The following ENPP3 variants were observed in gnomAD, a reference collection of about 807,000 sequenced individuals.
The protein encoded by ENPP3 is ectonucleotide pyrophosphatase/phosphodiesterase 3.
ENPP3 carries 104 observed loss-of-function variants against 117.8 expected under a neutral mutation model. The ratio of observed to expected loss-of-function variants is 0.88; its 90% CI spans 0.75 to 1.04. ENPP3 has a LOEUF of 1.04. ENPP3 is among the 50% of genes least tolerant of loss of function. ENPP3 has a pLI of 0.00. For synonymous variants in ENPP3, 380 were observed against 349.9 expected (o/e 1.09, Z -0.96); for missense variants, 1,026 against 1,051.9 (o/e 0.98, Z 0.34).
At chr6:131,667,383 T>C (rs1176510915) in intron 6 of ENPP3, among the ~76,000 whole-genome samples, 1 of 152,108 alleles carries the variant, frequency 6.6e-6, no homozygotes, top group Admixed American at 6.5e-5. Context: ...AGCTGGGAGT[T>C]GGGGTTATTG....
At chr6:131,684,180 T>C (rs1320887327) in intron 12 of ENPP3, among the ~76,000 whole-genome samples, 1 of 152,148 alleles carries the variant, frequency 6.6e-6, no homozygotes, top group Admixed American at 6.5e-5. Context: ...CCAATATCTG[T>C]GAAGAGACCA....
chr6:131,738,267 G>A (rs1780444984), intron 23 of ENPP3, 104 bp downstream of exon 23: 2 of 891,076 alleles, frequency 2.2e-6, no homozygotes, highest in African/African-American at 3.5e-5. Context: ...TACATTCACA[G>A]ACAAATGTTA....
chr6:131,693,079 GTTATATA>G (rs909743329), intron 14 of ENPP3, among the ~76,000 whole-genome samples: 110 of 141,692 alleles, frequency 7.8e-4, no homozygotes, highest in African/African-American at 2.5e-3. Flanking sequence ...ATTATATATG[GTTATATA>G]TTATATATTA....
rs947287283 is a variant in ENPP3 at position 131,641,444 on chromosome 6, T to G, written c.79-11T>G. ...AAAATTATAAAAGTTACTTTTTCCT[T>G]TTTGCAATAGGTTCTTCTTGCTTTG... On this transcript the variant is annotated splice_polypyrimidine_tract_variant and intron_variant, in intron 1 of 24. Coordinates refer to ENST00000357639, the MANE Select transcript of ENPP3 (RefSeq NM_005021.5). 1.3e-6 allele frequency: 2 copies of G among 1,596,450 alleles called. No homozygotes were observed. Among genetic ancestry groups the G allele is most frequent in the African/African-American group, 2.7e-5 (2 of 74,470 alleles).
chr6:131,702,211 A>C (rs2114478505), intron 15 of ENPP3, among the ~76,000 whole-genome samples: 1 of 152,138 alleles, frequency 6.6e-6, no homozygotes, highest in East Asian at 1.9e-4. Flanking sequence ...ACACATGTCA[A>C]AGTCTTAAAA....
Position 131,676,741 on chromosome 6 carries a change from T to C in ENPP3, c.878T>C (p.Val293Ala). 1 of 1,597,484 alleles carries C rather than the reference T, an allele frequency of 6.3e-7. No individual in the cohort carries two copies. Among genetic ancestry groups the C allele is most frequent in the Non-Finnish European group, 8.6e-7 (1 of 1,164,960 alleles). Residue 293 changes from valine to alanine, a missense_variant, in exon 10 of 25, where the codon GTC becomes GCC. Coordinates refer to ENST00000357639, the MANE Select transcript of ENPP3 (RefSeq NM_005021.5). The part of the protein sequence containing the change: ...PSIYMPYNGS[V>A]PFEERISTLL... ...TTTCTACCCTATTTTTTCAGAAGTG[T>C]CCCATTTGAAGAGAGGATTTCTACA...
At chr6:131,717,304 T>C (rs1159734681) in intron 15 of ENPP3, among the ~76,000 whole-genome samples, 1 of 151,368 alleles carries the variant, frequency 6.6e-6, no homozygotes, top group African/African-American at 2.4e-5. Context: ...TACTGTCCTG[T>C]TGTTAGTCGA....
chr6:131,672,516 G>A (rs1778766825), intron 7 of ENPP3, among the ~76,000 whole-genome samples: 1 of 152,094 alleles, frequency 6.6e-6, no homozygotes, highest in Non-Finnish European at 1.5e-5. Flanking sequence ...AGAAGGTTAT[G>A]TGTTGATCAG....
chr6:131,701,895 A>AG (rs1390087410), intron 15 of ENPP3, among the ~76,000 whole-genome samples: 1 of 121,048 alleles, frequency 8.3e-6, no homozygotes, highest in African/African-American at 2.8e-5. Context: ...AAAAAAAAAA[A>AG]AAAGAAAAGA....
intron 5 of ENPP3, among the ~76,000 whole-genome samples, chr6:131,653,117 A>G (rs1778300550): frequency 6.6e-6 from 1 of 152,038 alleles, no homozygotes; most frequent in Admixed American, 6.6e-5. Context: ...TTCATGTCTT[A>G]CAACGACGAC....
At chr6:131,660,007 A>C (rs1263176248) in intron 6 of ENPP3, among the ~76,000 whole-genome samples, 2 of 152,206 alleles carry the variant, frequency 1.3e-5, no homozygotes, top group African/African-American at 4.8e-5. Context: ...ATTTTAAAAC[A>C]TTTAAAATAT....
chr6:131,727,498 T>C lies in ENPP3; in HGVS notation c.1953+1298T>C, dbSNP rs556534398. Among the ~76,000 whole-genome samples, 71 of 132,068 alleles carry C rather than the reference T, an allele frequency of 5.4e-4. 1 individual carries two copies. Among genetic ancestry groups the C allele is most frequent in the South Asian group, 1.3e-3 (6 of 4,448 alleles). The allele number at this position is 132,068 out of a possible 152,430, so 86.6% of individuals were successfully genotyped here. On this transcript the variant is annotated intron_variant, in intron 20 of 24. Transcript: ENST00000357639. ...TGAACCCGGGAGGTGGAGGTTGCAGTGAGCCAAGATCGCGCCATTACACTC... is the reference window on the plus strand; with the variant it reads ...TGAACCCGGGAGGTGGAGGTTGCAGCGAGCCAAGATCGCGCCATTACACTC...
intron 3 of ENPP3, among the ~76,000 whole-genome samples, chr6:131,651,362 TA>T (rs756570444): frequency 6.6e-6 from 1 of 152,244 alleles, no homozygotes; most frequent in Non-Finnish European, 1.5e-5. Flanking sequence ...TTAACAATGC[TA>T]AATACAGAAT....
At chr6:131,744,536 A>G (rs1349902327) in intron 24 of ENPP3, among the ~76,000 whole-genome samples, 1 of 152,336 alleles carries the variant, frequency 6.6e-6, no homozygotes, top group East Asian at 1.9e-4. Flanking sequence ...ACAAGTAAAC[A>G]GTAGAGTTAT....
intron 16 of ENPP3, among the ~76,000 whole-genome samples, chr6:131,719,011 A>T (rs1175319224): frequency 2.6e-5 from 4 of 152,158 alleles, no homozygotes; most frequent in Non-Finnish European, 5.9e-5. Flanking sequence ...TAAGAGGGGG[A>T]TACAGACAGT....
chr6:131,643,577 A>G (rs1778095838), intron 2 of ENPP3, among the ~76,000 whole-genome samples: 1 of 152,014 alleles, frequency 6.6e-6, no homozygotes, highest in South Asian at 2.1e-4. Flanking sequence ...TTTCCACCGC[A>G]TCTATTCTCC....
chr6:131,671,175 T>C (rs532727642), intron 6 of ENPP3, 73 bp from the exon 7 acceptor site: 2 of 837,540 alleles, frequency 2.4e-6, no homozygotes, highest in Non-Finnish European at 4.1e-6. Flanking sequence ...GAGACTTTCA[T>C]GTTCAGATTT....
In ENPP3 at chr6:131,671,324, C is replaced by A; in HGVS notation, c.639C>A (p.Val213=). ...CCTTCCCAAATCATTACACCATTGT[C>A]ACGGTAAGTGCTTGACCCAGTGGTA... ...TKTFPNHYTI[V]TGLYPESHGI... is the part of the protein sequence containing the mutation. The change falls in exon 7 of 25, where the codon GTC becomes GTA. Residue 213 remains valine, a synonymous_variant. Coordinates refer to ENST00000357639, the MANE Select transcript of ENPP3 (RefSeq NM_005021.5). The A allele has an allele frequency of 6.3e-7, 1 of 1,585,378 alleles. No individual in the cohort carries two copies. The highest frequency in any genetic ancestry group is 8.7e-7 in the Non-Finnish European group (1 of 1,154,094).
At chr6:131,715,167 T>C (rs1779861906) in intron 15 of ENPP3, among the ~76,000 whole-genome samples, 1 of 151,422 alleles carries the variant, frequency 6.6e-6, no homozygotes, top group Non-Finnish European at 1.5e-5. Context: ...GGAGAGCTGC[T>C]ATGGCTGTGG....
Sources: allele counts gnomAD v4.1 joint callset (sites outside exome capture counted in the v4.1 genomes callset), GRCh38; gene constraint gnomAD v4.1.1; transcripts MANE v1.5; gene names NCBI Gene and HGNC (gene_info 2026-07-23, HGNC 2026-07-21).